PDE8B: variants seen among roughly 807,000 people sequenced by gnomAD.
PDE8B encodes phosphodiesterase 8B.
Under a neutral mutation model 101.3 loss-of-function variants are expected in PDE8B, and 26 were observed. The observed-to-expected ratio is 0.26, with a 90% CI of 0.19 to 0.36. The LOEUF (loss-of-function observed/expected upper bound fraction) is 0.36, where lower values mean the gene tolerates loss of function less well. Ranked by LOEUF, PDE8B falls within the 10% of genes least tolerant of loss-of-function variation. PDE8B has a pLI of 1.00. For missense variants in PDE8B, 810 were observed against 1,163.1 expected, an observed-to-expected ratio of 0.70 and a Z score of 4.42; for synonymous variants, 424 against 429.3, an observed-to-expected ratio of 0.99 and a Z score of 0.15.
At chr5:77,293,723 G>A (rs1767888277) in intron 1 of PDE8B, among the ~76,000 whole-genome samples, 1 of 152,182 alleles carries the variant, frequency 6.6e-6, no homozygotes, top group African/African-American at 2.4e-5. Context: ...TTTTGCAGTT[G>A]TGAATGAGTT....
intron 16 of PDE8B, among the ~76,000 whole-genome samples, 155 bp from the exon 17 acceptor site, chr5:77,412,956 C>A (rs1331825045): frequency 1.3e-5 from 2 of 152,092 alleles, no homozygotes; most frequent in Non-Finnish European, 2.9e-5. Context: ...AAGGAGAGAT[C>A]CTACCTCCTA....
At chr5:77,105,309 A>G in the PDE8B span, 3 of 152,202 alleles carry the variant, frequency 2.0e-5, no homozygotes, top group African/African-American at 7.2e-5. Flanking sequence ...TTCATACTTC[A>G]AGTACCCATA....
chr5:77,426,565 C>T lies in PDE8B; in HGVS notation c.*11C>T. 7.0e-7 allele frequency: 1 copy of T among 1,423,260 alleles called. No homozygotes were observed. Among genetic ancestry groups the T allele is most frequent in the Non-Finnish European group, 9.9e-7 (1 of 1,006,406 alleles). 88.2% of individuals were successfully genotyped at this position (1,423,260 alleles called of 1,614,324 possible). ...CCATCTGACAGCTAAAGCCAAGCCA[C>T]AGAGGGGGCCTCTTGACCGACAAAG... On this transcript the variant is annotated 3_prime_UTR_variant, in exon 22 of 22. Transcript: ENST00000264917.
the PDE8B span, among the ~76,000 whole-genome samples, chr5:77,168,858 G>C: frequency 6.6e-6 from 1 of 152,132 alleles, no homozygotes; most frequent in African/African-American, 2.4e-5. Flanking sequence ...TTTTCAGTAG[G>C]GCCTCTTTTC....
the PDE8B span, among the ~76,000 whole-genome samples, chr5:77,098,161 G>T: frequency 2.6e-5 from 4 of 152,002 alleles, no homozygotes; most frequent in Non-Finnish European, 5.9e-5. Context: ...AACTATAAAT[G>T]ATTGTGTGTC....
chr5:77,193,464 T>C, the PDE8B span, among the ~76,000 whole-genome samples: 1 of 152,208 alleles, frequency 6.6e-6, no homozygotes, highest in African/African-American at 2.4e-5. Context: ...TTGGTAGTTT[T>C]ACTGAAAATT....
chr5:77,414,635 T>C (rs986295507), intron 17 of PDE8B, among the ~76,000 whole-genome samples: 3 of 151,722 alleles, frequency 2.0e-5, no homozygotes, highest in African/African-American at 7.3e-5. Context: ...TTTCACCATG[T>C]TGGCCAGGAT....
chr5:77,116,756 G>T, the PDE8B span, among the ~76,000 whole-genome samples: 1 of 152,154 alleles, frequency 6.6e-6, no homozygotes, highest in Non-Finnish European at 1.5e-5. Flanking sequence ...GTGAAAAAAA[G>T]AACATAGTAT....
chr5:77,131,458 A>G, the PDE8B span, among the ~76,000 whole-genome samples: 1 of 152,172 alleles, frequency 6.6e-6, no homozygotes, highest in African/African-American at 2.4e-5. Context: ...CCATCTAGAG[A>G]TGGATTATAA....
chr5:77,154,972 T>G, the PDE8B span, among the ~76,000 whole-genome samples: 1 of 152,168 alleles, frequency 6.6e-6, no homozygotes, highest in East Asian at 1.9e-4. Context: ...CAGACTTAAG[T>G]GTCTGCGCAA....
At chr5:77,267,452 A>G (rs1962690) in intron 1 of PDE8B, among the ~76,000 whole-genome samples, 32,034 of 149,404 alleles carry the variant, frequency 0.21, 3,589 homozygotes, top group Middle Eastern at 0.25. Flanking sequence ...AAAAAAAAAA[A>G]AAAGGGTGGA....
chr5:77,283,708 T>G (rs1268460460), intron 1 of PDE8B, among the ~76,000 whole-genome samples: 1 of 152,232 alleles, frequency 6.6e-6, no homozygotes, highest in Non-Finnish European at 1.5e-5. Flanking sequence ...ATCATTAGAA[T>G]GTACCACAGT....
chr5:77,116,730 A>T, the PDE8B span, among the ~76,000 whole-genome samples: 1 of 152,218 alleles, frequency 6.6e-6, no homozygotes, highest in Non-Finnish European at 1.5e-5. Context: ...AAGTAATAGG[A>T]TTTTACTAAA....
intron 1 of PDE8B, among the ~76,000 whole-genome samples, chr5:77,310,681 T>C (rs1334301217): frequency 6.6e-6 from 1 of 152,084 alleles, no homozygotes; most frequent in African/African-American, 2.4e-5. Flanking sequence ...ATCCTTGCCC[T>C]CCTGAGAACC....
the PDE8B span, among the ~76,000 whole-genome samples, chr5:77,156,083 A>G: frequency 1.3e-5 from 2 of 152,182 alleles, no homozygotes; most frequent in African/African-American, 2.4e-5. Context: ...CTTCCTAATT[A>G]TATTTTGCTT....
chr5:77,209,584 G>A (rs1157285628), upstream of PDE8B, among the ~76,000 whole-genome samples: 1 of 152,174 alleles, frequency 6.6e-6, no homozygotes, highest in East Asian at 1.9e-4. Flanking sequence ...GTAACTCAGA[G>A]TTTACAAGGG....
rs1357129865 is a variant in PDE8B at position 77,211,469 on chromosome 5, G to A, written c.339+205G>A. ...GAAAAAGGCCCCTGGAGGGGTCCTGGAAGCGTCCTTAGCTGGTCCTGGGGG... is the reference window on the plus strand; with the variant it reads ...GAAAAAGGCCCCTGGAGGGGTCCTGAAAGCGTCCTTAGCTGGTCCTGGGGG... On this transcript the variant is annotated intron_variant, in intron 1 of 21. Coordinates refer to ENST00000264917, the MANE Select transcript of PDE8B (RefSeq NM_003719.5). The surrounding 1 kb of genome is among the most constrained non-coding windows in gnomAD (Gnocchi z 4.1). Among the ~76,000 whole-genome samples, 1 of 152,244 alleles carries A rather than the reference G, an allele frequency of 6.6e-6. No homozygotes were observed. The highest frequency in any genetic ancestry group is 1.5e-5 in the Non-Finnish European group (1 of 68,044).
intron 3 of PDE8B, among the ~76,000 whole-genome samples, chr5:77,327,756 T>C (rs1007190401): frequency 6.6e-6 from 1 of 152,202 alleles, no homozygotes; most frequent in East Asian, 1.9e-4. Context: ...TTATGCCTCC[T>C]GCCCCATTGT....
chr5:77,328,124 A>G (rs370133691), intron 3 of PDE8B, among the ~76,000 whole-genome samples: 10 of 152,320 alleles, frequency 6.6e-5, no homozygotes, highest in African/African-American at 2.2e-4. Context: ...CTTCCAAGAT[A>G]TCTCAGAATA....
Sources: gnomAD v4.1 joint callset for allele counts (sites outside exome capture counted in the v4.1 genomes callset) on GRCh38, gnomAD v4.1.1 for gene constraint, Gnocchi (gnomAD v3.1) non-coding constraint, MANE v1.5 for transcripts, NCBI Gene and HGNC (gene_info 2026-07-23, HGNC 2026-07-21) for gene names.